Variants in ABCA1 observed in about 807,000 individuals in gnomAD.
ABCA1 encodes the protein ATP binding cassette subfamily A member 1, also known as phospholipid-transporting ATPase ABCA1.
Under a neutral mutation model 262.5 loss-of-function variants are expected in ABCA1, and 133 were observed. That is an observed-to-expected ratio of 0.51 (90% CI 0.44 to 0.59). The LOEUF (loss-of-function observed/expected upper bound fraction) is 0.59. ABCA1 is among the 20% of genes least tolerant of loss of function. The pLI, the probability that ABCA1 is intolerant of heterozygous loss-of-function variation, is 0.00. For synonymous variants in ABCA1, 1,022 were observed against 1,043.5 expected (o/e 0.98, Z 0.40); for missense variants, 2,452 against 2,777.5 (o/e 0.88, Z 2.63).
intron 5 of ABCA1, among the ~76,000 whole-genome samples, chr9:104,865,943 G>A (rs528090487): frequency 7.2e-5 from 11 of 152,280 alleles, no homozygotes; most frequent in African/African-American, 2.6e-4. Flanking sequence ...GAAGGCAGAA[G>A]GAAGGATAAG....
chr9:104,883,481 A>G (rs571556357), intron 4 of ABCA1, among the ~76,000 whole-genome samples: 2 of 152,326 alleles, frequency 1.3e-5, no homozygotes, highest in East Asian at 3.9e-4. Flanking sequence ...CATGAACCAC[A>G]GTAGGCTCAG....
rs2274873 is a variant in ABCA1 at position 104,840,397 on chromosome 9, G to A, written c.936C>T (p.Pro312=). Residue 312 remains proline (P), a synonymous_variant, in exon 9 of 50, where the codon CCC becomes CCT. Coordinates refer to ENST00000374736, the MANE Select transcript of ABCA1 (RefSeq NM_005502.4). The part of the protein sequence containing the change: ...QAVSRIVCGH[P]EGGGLKIKSL... The stretch of plus-strand genomic sequence containing the variant: ...ACTTGATCTTCAGCCCCCCTCCCTC[G>A]GGATGCCCGCAGACAATACGAGACA... The A allele has an allele frequency of 0.097, 156,355 of 1,614,018 alleles. 7,922 individuals are homozygous for A. The highest frequency in any genetic ancestry group is 0.1 in the Non-Finnish European group (119,739 of 1,179,984).
At chr9:104,909,967 T>A (rs781349774) in intron 1 of ABCA1, among the ~76,000 whole-genome samples, 4 of 152,212 alleles carry the variant, frequency 2.6e-5, no homozygotes, top group Non-Finnish European at 5.9e-5. Context: ...AGAAAGTGCA[T>A]GTATCTGTAC....
chr9:104,850,451 C>A (rs1041846021), intron 7 of ABCA1, among the ~76,000 whole-genome samples: 7 of 152,120 alleles, frequency 4.6e-5, no homozygotes, highest in African/African-American at 1.7e-4. Flanking sequence ...TTCTCTGTAC[C>A]TTTTTTCATG....
intron 24 of ABCA1, 152 bp from the exon 25 acceptor site, chr9:104,816,497 C>A: frequency 1.3e-6 from 1 of 778,598 alleles, no homozygotes; most frequent in Admixed American, 2.0e-5. Flanking sequence ...CATCTCTGGT[C>A]TGAGGGTTGG....
chr9:104,875,404 A>G (rs1438161431), intron 5 of ABCA1, among the ~76,000 whole-genome samples: 1 of 151,750 alleles, frequency 6.6e-6, no homozygotes, highest in Non-Finnish European at 1.5e-5. Context: ...TGCCATGAAC[A>G]TAAGGGAAGT....
rs41537052 is a variant in ABCA1, at chr9:104,889,253, C to T, written c.67-58G>A. 5,839 of 1,571,162 alleles carry T rather than the reference C, an allele frequency of 3.7e-3. 204 individuals are homozygous for T. In the African/African-American group the frequency reaches 0.07, roughly 19 times the overall value. On this transcript the variant is annotated intron_variant, in intron 2 of 49. Coordinates refer to ENST00000374736, the MANE Select transcript of ABCA1 (RefSeq NM_005502.4). Reference sequence around the variant, plus strand: ...TTAAAAATAATATGGATATCCAATGCCACTGGGATCTGGGAAATCCACAGA... The same window carrying T: ...TTAAAAATAATATGGATATCCAATGTCACTGGGATCTGGGAAATCCACAGA...
At chr9:104,904,344 C>T (rs960293460) in intron 1 of ABCA1, among the ~76,000 whole-genome samples, 1 of 151,820 alleles carries the variant, frequency 6.6e-6, no homozygotes, top group Non-Finnish European at 1.5e-5. Context: ...CCGAGGCAGG[C>T]GGATCACGAG....
At chr9:104,801,179 C>G (rs1830303677) in intron 34 of ABCA1, among the ~76,000 whole-genome samples, 1 of 151,136 alleles carries the variant, frequency 6.6e-6, no homozygotes, top group South Asian at 2.1e-4. Context: ...ATGTTTGAAA[C>G]CCAGTTTATT....
At chr9:104,919,143 C>T (rs779081952) in intron 1 of ABCA1, among the ~76,000 whole-genome samples, 3 of 152,070 alleles carry the variant, frequency 2.0e-5, no homozygotes, top group African/African-American at 4.8e-5. Context: ...TGTGTCTTAC[C>T]GACCTACCCC....
At chr9:104,892,968 GA>G (rs1428042083) in intron 2 of ABCA1, among the ~76,000 whole-genome samples, 1 of 152,138 alleles carries the variant, frequency 6.6e-6, no homozygotes, top group East Asian at 1.9e-4. Flanking sequence ...TAATGTTTAT[GA>G]AACACAGAAA....
At chr9:104,873,055 G>A (rs1230287152) in intron 5 of ABCA1, among the ~76,000 whole-genome samples, 2 of 151,778 alleles carry the variant, frequency 1.3e-5, no homozygotes, top group Admixed American at 1.3e-4. Context: ...GGAAATCAAA[G>A]ACCTGGTTTC....
chr9:104,859,396 C>T (rs1043751679), intron 6 of ABCA1, among the ~76,000 whole-genome samples: 1 of 144,446 alleles, frequency 6.9e-6, no homozygotes, highest in Non-Finnish European at 1.5e-5. Flanking sequence ...CAGTGGACCA[C>T]AAGCTTTGAA....
intron 2 of ABCA1, among the ~76,000 whole-genome samples, chr9:104,898,568 AT>A (rs1365575419): frequency 2.0e-5 from 3 of 148,440 alleles, no homozygotes; most frequent in Admixed American, 6.7e-5. Flanking sequence ...AAATAAATAA[AT>A]AAATAAATAA....
chr9:104,817,135 C>T lies in ABCA1; in HGVS notation c.3535+197G>A, dbSNP rs377263601. ...GACACTGCCCTGCTAGCTCCCAAAC[C>T]GAGCCCCAGGCACCCCAGCAAGCAT... On this transcript the variant is annotated intron_variant, in intron 24 of 49. Transcript: ENST00000374736. The surrounding 1 kb of genome is among the most constrained non-coding windows in gnomAD (Gnocchi z 4.7). The T allele has an allele frequency of 1.1e-4, 100 of 889,658 alleles. No homozygotes were observed. Among genetic ancestry groups the T allele is most frequent in the African/African-American group, 3.4e-4 (19 of 55,332 alleles). The allele number at this position is 889,658 out of a possible 1,614,324, so 55.1% of individuals were successfully genotyped here. A position where few individuals can be genotyped will look rare whatever the true frequency, so the allele number is the denominator to read the frequency against.
chr9:104,793,165 G>C lies in ABCA1; in HGVS notation c.5636+6C>G, dbSNP rs1829579178. On this transcript the variant is annotated splice_donor_region_variant and intron_variant, in intron 41 of 49. Coordinates refer to ENST00000374736, the MANE Select transcript of ABCA1 (RefSeq NM_005502.4). ...GGTGCTCCACGGGTTCTAAGAAAAA[G>C]CTCACCTGGGCCTGATGAAGAATCT... is the stretch of plus-strand genomic sequence containing the variant. 3.7e-6 allele frequency: 6 copies of C among 1,613,946 alleles called. No homozygotes were observed. The highest frequency in any genetic ancestry group is 5.1e-6 in the Non-Finnish European group (6 of 1,179,942).
chr9:104,827,154 G>A lies in ABCA1; in HGVS notation c.2131C>T (p.Pro711Ser). The A allele has an allele frequency of 6.2e-7, 1 of 1,614,140 alleles. No individual in the cohort carries two copies. The highest frequency in any genetic ancestry group is 8.5e-7 in the Non-Finnish European group (1 of 1,179,984). ...AACACCACGCTGGGATCACTGTAGGGCAGCAGGTTTCCTAACTGGGAAGGA... is the reference window on the plus strand; with the variant it reads ...AACACCACGCTGGGATCACTGTAGGACAGCAGGTTTCCTAACTGGGAAGGA... ...VVILKLGNLLPYSDPSVVFVF... is the reference protein window; with the variant it reads ...VVILKLGNLLSYSDPSVVFVF... The change falls in exon 16 of 50, where the codon CCC becomes TCC. Residue 711 changes from proline to serine, a missense_variant. Pro to Ser is a moderately conservative substitution (Grantham distance 74, BLOSUM62 -1). This residue lies in a region of ABCA1 where 1,032 missense variants were observed against 1,089.7 expected (regional missense o/e 0.95). Transcript: ENST00000374736.
intron 7 of ABCA1, among the ~76,000 whole-genome samples, chr9:104,851,411 C>T (rs188057224): frequency 1.3e-5 from 2 of 152,292 alleles, no homozygotes; most frequent in East Asian, 3.9e-4. Flanking sequence ...CTTCTCCCAT[C>T]AAACTCCCCA....
chr9:104,807,593 A>G (rs1466663055), intron 30 of ABCA1, among the ~76,000 whole-genome samples: 1 of 152,002 alleles, frequency 6.6e-6, no homozygotes, highest in Non-Finnish European at 1.5e-5. Flanking sequence ...AGGCGGGTGG[A>G]TCACTAAGTC....
Sources: gnomAD v4.1 joint callset for allele counts (sites outside exome capture counted in the v4.1 genomes callset) on GRCh38, gnomAD v4.1.1 for gene constraint, gnomAD v4.1.1 regional missense constraint, Gnocchi (gnomAD v3.1) non-coding constraint, MANE v1.5 for transcripts, NCBI Gene and HGNC (gene_info 2026-07-23, HGNC 2026-07-21) for gene names.